MCC: variants seen among roughly 807,000 people sequenced by gnomAD.
MCC encodes colorectal mutant cancer protein.
In MCC, 90 loss-of-function variants were observed where a neutral mutation model predicts 116.2. That is an observed-to-expected ratio of 0.77 (90% CI 0.65 to 0.92). The LOEUF (loss-of-function observed/expected upper bound fraction) is 0.92, where lower values mean the gene tolerates loss of function less well. Ranked by LOEUF, MCC falls within the 40% of genes least tolerant of loss-of-function variation. MCC has a pLI of 0.00. For synonymous variants in MCC, 578 were observed against 510.5 expected (o/e 1.13, Z -1.78); for missense variants, 1,516 against 1,312.2 (o/e 1.16, Z -2.40).
At chr5:113,363,051 G>T (rs1041567056) in intron 2 of MCC, among the ~76,000 whole-genome samples, 5 of 152,026 alleles carry the variant, frequency 3.3e-5, no homozygotes, top group Non-Finnish European at 7.4e-5. Context: ...AGACAGAGGC[G>T]GGCGGATCAC....
At position 113,340,525 on chromosome 5, in the gene MCC, G is replaced by A. The variant is rs999862921; in HGVS notation, c.621C>T (p.Ala207=). 1.9e-6 allele frequency: 3 copies of A among 1,613,856 alleles called. No individual in the cohort carries two copies. Among genetic ancestry groups the A allele is most frequent in the Non-Finnish European group, 1.7e-6 (2 of 1,179,874 alleles). Residue 207 remains alanine (A), a synonymous_variant, in exon 3 of 19, where the codon GCC becomes GCT. Coordinates refer to ENST00000408903, the MANE Select transcript of MCC (RefSeq NM_001085377.2). ...NSVGGSYLEL[A]NTLHSAALAS... Reference sequence around the variant, plus strand: ...TGAACCAAAAAGTACTCACTGTGTTGGCCAGCTCTAGATAGCTTCCTCCTA... The same window carrying A: ...TGAACCAAAAAGTACTCACTGTGTTAGCCAGCTCTAGATAGCTTCCTCCTA...
At chr5:113,036,396 G>A (rs1368672710) in intron 17 of MCC, among the ~76,000 whole-genome samples, 4 of 152,164 alleles carry the variant, frequency 2.6e-5, no homozygotes, top group Non-Finnish European at 5.9e-5. Flanking sequence ...CTGGGATTCT[G>A]TCTGCAGAGC....
chr5:113,059,264 G>A (rs1212518294), intron 14 of MCC, among the ~76,000 whole-genome samples: 1 of 152,184 alleles, frequency 6.6e-6, no homozygotes, highest in African/African-American at 2.4e-5. Flanking sequence ...CAGCCCCTCC[G>A]GCTTCCCTTC....
rs1484287447 is a variant in MCC, at chr5:113,434,368, A to G, written c.171-49156T>C. On this transcript the variant is annotated intron_variant, in intron 1 of 18. Transcript: ENST00000408903. This position sits in a 1 kb window ranked among gnomAD's most constrained non-coding sequence, Gnocchi z 4.2. ...CTGTCATCCCGCAGGCAGCGCTTGG[A>G]GAAGCTGAAGTCGGACAGCTTGATG... is the stretch of plus-strand genomic sequence containing the variant. 6.2e-7 allele frequency: 1 copy of G among 1,613,690 alleles called. No individual in the cohort carries two copies. The highest frequency in any genetic ancestry group is 2.2e-5 in the East Asian group (1 of 44,830).
At chr5:113,261,200 A>G (rs1223257499) in intron 3 of MCC, among the ~76,000 whole-genome samples, 1 of 152,190 alleles carries the variant, frequency 6.6e-6, no homozygotes, top group Non-Finnish European at 1.5e-5. Context: ...CACTTGCACT[A>G]GCCTACAGTT....
intron 3 of MCC, among the ~76,000 whole-genome samples, chr5:113,175,305 C>T (rs1342369685): frequency 6.6e-6 from 1 of 152,178 alleles, no homozygotes; most frequent in Admixed American, 6.5e-5. Flanking sequence ...GATGGTCAAA[C>T]TTTGATGACT....
chr5:113,468,323 A>C (rs1771974438), intron 1 of MCC, among the ~76,000 whole-genome samples: 1 of 152,154 alleles, frequency 6.6e-6, no homozygotes. Flanking sequence ...TGGGTTTGTC[A>C]TAGATAGCTC....
At position 113,286,490 on chromosome 5, in the gene MCC, T is replaced by C. The variant is rs116865553; in HGVS notation, c.627+54029A>G. ...TCTGTTCTCAAATAATCACACACCA[T>C]AGATTTTGGTTTAAGATGCATTTCC... On this transcript the variant is annotated intron_variant, in intron 3 of 18. Transcript: ENST00000408903. Among the ~76,000 whole-genome samples the C allele has an allele frequency of 4.5e-3, 682 of 152,268 alleles. 8 individuals carry two copies. Among genetic ancestry groups the C allele is most frequent in the African/African-American group, 0.015 (642 of 41,552 alleles).
At chr5:113,292,341 T>A (rs1482197047) in intron 3 of MCC, among the ~76,000 whole-genome samples, 1 of 152,050 alleles carries the variant, frequency 6.6e-6, no homozygotes, top group Non-Finnish European at 1.5e-5. Context: ...AACTAAATCA[T>A]GGTACCTAAA....
chr5:113,356,155 T>A (rs1199792721), intron 2 of MCC, among the ~76,000 whole-genome samples: 1 of 150,894 alleles, frequency 6.6e-6, no homozygotes, highest in Non-Finnish European at 1.5e-5. Flanking sequence ...ATCCAACTCC[T>A]GAGCTCGAGT....
intron 6 of MCC, among the ~76,000 whole-genome samples, chr5:113,105,476 C>T (rs1756675802): frequency 6.6e-6 from 1 of 152,184 alleles, no homozygotes; most frequent in Non-Finnish European, 1.5e-5. Flanking sequence ...GCTTTCACTC[C>T]AACCAATACA....
chr5:113,078,409 T>A (rs149123375), intron 11 of MCC, among the ~76,000 whole-genome samples: 10 of 152,276 alleles, frequency 6.6e-5, no homozygotes, highest in African/African-American at 2.4e-4. Flanking sequence ...AAGACCTCAA[T>A]AAAATACTGG....
intron 1 of MCC, among the ~76,000 whole-genome samples, chr5:113,471,409 G>T (rs1772086232): frequency 6.6e-6 from 1 of 152,146 alleles, no homozygotes; most frequent in African/African-American, 2.4e-5. Flanking sequence ...CTCAACTGCA[G>T]GTCTGTTGGA....
At chr5:113,112,514 A>T (rs1366624848) in intron 6 of MCC, among the ~76,000 whole-genome samples, 1 of 152,134 alleles carries the variant, frequency 6.6e-6, no homozygotes, top group Admixed American at 6.5e-5. Context: ...CTCCCCAGTC[A>T]TGCTTCCGGT....
chr5:113,187,583 G>A (rs771503201), intron 3 of MCC, among the ~76,000 whole-genome samples: 2 of 151,786 alleles, frequency 1.3e-5, no homozygotes, highest in Admixed American at 6.6e-5. Flanking sequence ...GTGAAACCCC[G>A]TCTCTACTAA....
chr5:113,241,809 A>C (rs1415525042), intron 3 of MCC, among the ~76,000 whole-genome samples: 1 of 152,232 alleles, frequency 6.6e-6, no homozygotes, highest in Non-Finnish European at 1.5e-5. Context: ...CAACATCTCC[A>C]AAGTAGACTA....
chr5:113,053,551 C>T (rs147618215), intron 15 of MCC, among the ~76,000 whole-genome samples, 174 bp downstream of exon 15: 4 of 152,158 alleles, frequency 2.6e-5, no homozygotes, highest in Non-Finnish European at 4.4e-5. Flanking sequence ...TCCAGAAACA[C>T]GCAGCCCAAG....
intron 17 of MCC, among the ~76,000 whole-genome samples, chr5:113,037,213 T>C (rs1362271128): frequency 6.6e-6 from 1 of 152,214 alleles, no homozygotes; most frequent in Non-Finnish European, 1.5e-5. Context: ...GCTGCTGAAA[T>C]AGGGGTCAAC....
chr5:113,201,256 G>A (rs1283414428), intron 3 of MCC, among the ~76,000 whole-genome samples: 2 of 151,980 alleles, frequency 1.3e-5, no homozygotes, highest in East Asian at 1.9e-4. Flanking sequence ...GTGGTGGCAC[G>A]TGCCTGTAAA....
Sources: allele counts gnomAD v4.1 joint callset (sites outside exome capture counted in the v4.1 genomes callset), GRCh38; gene constraint gnomAD v4.1.1; non-coding constraint Gnocchi (gnomAD v3.1); transcripts MANE v1.5; gene names NCBI Gene and HGNC (gene_info 2026-07-23, HGNC 2026-07-21).